Variants in ING5 observed in about 807,000 individuals in gnomAD.
The protein encoded by ING5 is inhibitor of growth family member 5.
In ING5, 17 loss-of-function variants were observed where a neutral mutation model predicts 37.4. The ratio of observed to expected loss-of-function variants is 0.45; its 90% confidence interval spans 0.31 to 0.68. The LOEUF (loss-of-function observed/expected upper bound fraction) is 0.68, where lower values mean the gene tolerates loss of function less well. Among genes scored for constraint, ING5 ranks in the 30% least tolerant of loss-of-function variants. The probability of loss-of-function intolerance (pLI) is 0.05; values close to 1 mark genes in which losing one functional copy is unlikely to be tolerated. For synonymous variants in ING5, 123 were observed against 116.6 expected, an observed-to-expected ratio of 1.06 and a Z score of -0.36; for missense variants, 233 against 311.9, an observed-to-expected ratio of 0.75 and a Z score of 1.91.
At chr2:241,699,041 G>C (rs368302439), upstream of ING5, among the ~76,000 whole-genome samples, 17 of 126,886 alleles carry the variant, frequency 1.3e-4, no homozygotes, top group South Asian at 2.5e-4. Context: ...TTTTTTTTGG[G>C]GGGGGAGGGG....
At chr2:241,699,619 T>TGATCA (rs1400417985), upstream of ING5, among the ~76,000 whole-genome samples, 1 of 152,068 alleles carries the variant, frequency 6.6e-6, no homozygotes, top group Non-Finnish European at 1.5e-5. Context: ...ACTGCTCCTT[T>TGATCA]GATCAGCTTA....
chr2:241,704,846 C>T (rs974289447), intron 2 of ING5, 122 bp downstream of exon 2: 1 of 773,718 alleles, frequency 1.3e-6, no homozygotes, highest in South Asian at 1.4e-5. Flanking sequence ...TGGCCTAGCC[C>T]TGGGCCGTGG....
At chr2:241,715,789 G>GC (rs2070250548) in intron 5 of ING5, among the ~76,000 whole-genome samples, 1 of 137,658 alleles carries the variant, frequency 7.3e-6, no homozygotes. Context: ...ACCTGACCTA[G>GC]AATTTTTTTT....
At position 241,714,839 on chromosome 2, in the gene ING5, G is replaced by A. The variant is rs1022642314; in HGVS notation, c.482+2768G>A. The stretch of plus-strand genomic sequence containing the variant: ...TCAAACATCTGGGCTCAAGCAGTCC[G>A]CCTGCCTCAACCTCTCCGTGTGTTG... On this transcript the variant is annotated intron_variant, in intron 5 of 7. Transcript: ENST00000313552. 6.9e-4 allele frequency among the ~76,000 whole-genome samples: 105 copies of A among 151,086 alleles called. 1 individual carries two copies. Among genetic ancestry groups the A allele is most frequent in the African/African-American group, 2.4e-3 (100 of 41,376 alleles).
At chr2:241,724,514 T>A in intron 7 of ING5, 1 of 174,970 alleles carries the variant, frequency 5.7e-6, no homozygotes. Context: ...CAGGAGCCCC[T>A]TGTGCGTGCA....
At chr2:241,710,789 T>G (rs1194206740) in intron 3 of ING5, among the ~76,000 whole-genome samples, 1 of 150,514 alleles carries the variant, frequency 6.6e-6, no homozygotes, top group Non-Finnish European at 1.5e-5. Context: ...TGGCCTGTAT[T>G]TTTAATAGAG....
intron 5 of ING5, among the ~76,000 whole-genome samples, chr2:241,716,417 G>A (rs749190463): frequency 1.3e-4 from 19 of 146,566 alleles, no homozygotes; most frequent in African/African-American, 2.7e-4. Context: ...CTCAGCCTCC[G>A]CAGTAGCTGG....
intron 3 of ING5, 45 bp from the exon 4 acceptor site, chr2:241,711,332 G>A (rs759187962): frequency 7.4e-7 from 1 of 1,348,566 alleles, no homozygotes; most frequent in South Asian, 1.6e-5. Flanking sequence ...ATTCTGAGGT[G>A]TTTTGGTTTT....
intron 7 of ING5, chr2:241,723,828 C>A: frequency 6.3e-7 from 1 of 1,583,252 alleles, no homozygotes; most frequent in East Asian, 2.2e-5. Context: ...TGGGCAACAT[C>A]GGGAGACCCC....
At position 241,721,248 on chromosome 2, in the gene ING5, G is replaced by C. The variant is rs570025695; in HGVS notation, c.483-1691G>C. 1.4e-5 allele frequency: 14 copies of C among 985,506 alleles called. No homozygotes were observed. In the South Asian group the frequency reaches 5.6e-4, roughly 40 times the overall value. 61.0% of individuals were successfully genotyped at this position (985,506 alleles called of 1,614,324 possible). A position where few individuals can be genotyped will look rare whatever the true frequency, so the allele number is the denominator to read the frequency against. On this transcript the variant is annotated intron_variant, in intron 5 of 7. Transcript: ENST00000313552. ...GCAGGAGGCTGAGACGTAGACCCTT[G>C]CGTGCTGCTGTCAGAGGAGAGACCC... is the stretch of plus-strand genomic sequence containing the variant.
chr2:241,693,512 C>G (rs966169720), intron 2 of ING5, among the ~76,000 whole-genome samples: 1 of 152,018 alleles, frequency 6.6e-6, no homozygotes, highest in Non-Finnish European at 1.5e-5. Flanking sequence ...TTGTTGCAAC[C>G]CAGCCTTGAC....
At position 241,724,961 on chromosome 2, in the gene ING5, G is replaced by A. The variant is rs765921524; in HGVS notation, c.681-28G>A. On this transcript the variant is annotated intron_variant, in intron 7 of 7. Coordinates refer to ENST00000313552, the MANE Select transcript of ING5 (RefSeq NM_032329.6). ...TGCGCGCTGGCGGAAATGGCGCCCA[G>A]GGCCTCACTGCGCCTTTCTTGTCAC... 18 of 1,613,436 alleles carry A rather than the reference G, an allele frequency of 1.1e-5. No individual in the cohort carries two copies. The African/African-American group carries it at 2.3e-4, about 20-fold the overall frequency.
At chr2:241,705,397 T>TC (rs756232468) in intron 2 of ING5, among the ~76,000 whole-genome samples, 8 of 136,212 alleles carry the variant, frequency 5.9e-5, no homozygotes, top group African/African-American at 1.9e-4. Context: ...TTTTTTTCTT[T>TC]TTTTTTTTTT....
chr2:241,709,434 C>T (rs369871731), intron 3 of ING5, 52 bp downstream of exon 3: 1 of 1,521,144 alleles, frequency 6.6e-7, no homozygotes, highest in Non-Finnish European at 8.9e-7. Context: ...ACTCCTGCCT[C>T]TCATGCAACA....
intron 1 of ING5, among the ~76,000 whole-genome samples, chr2:241,688,982 TA>T (rs1225580174): frequency 6.6e-6 from 1 of 152,068 alleles, no homozygotes; most frequent in African/African-American, 2.4e-5. Flanking sequence ...TTGTATTTTT[TA>T]GTAGAGACGG....
At chr2:241,720,937 G>T (rs2070417040) in intron 5 of ING5, 154 of 985,526 alleles carry the variant, frequency 1.6e-4, no homozygotes, top group Non-Finnish European at 1.8e-4. Context: ...CTTCTGGGGT[G>T]CCCTTGCTGG....
In ING5 at chr2:241,711,393, G is replaced by A. The variant is rs1406886177; in HGVS notation, c.293G>A (p.Arg98Gln). 7 of 1,534,022 alleles carry A rather than the reference G, an allele frequency of 4.6e-6. No homozygotes were observed. The highest frequency in any genetic ancestry group is 1.7e-6 in the Non-Finnish European group (2 of 1,144,166). The part of the protein sequence containing the change: ...QTYEMVDKHI[R>Q]RLDADLARFE... ...CTTTTGTAGGTGGATAAACACATTC[G>A]AAGGCTTGATGCAGACCTGGCGCGC... Residue 98 changes from arginine (R) to glutamine (Q), a missense_variant, in exon 4 of 8, where the codon CGA becomes CAA. By Grantham distance (43) the Arg-to-Gln change is conservative. Transcript: ENST00000313552.
intron 7 of ING5, chr2:241,724,468 A>G (rs1691527443): frequency 6.2e-6 from 1 of 162,446 alleles, no homozygotes; most frequent in Non-Finnish European, 1.3e-5. Context: ...TGGGGAACCT[A>G]TGGAATGTCC....
intron 5 of ING5, among the ~76,000 whole-genome samples, chr2:241,713,714 C>T (rs1429343276): frequency 6.7e-6 from 1 of 149,450 alleles, no homozygotes; most frequent in East Asian, 2.1e-4. Context: ...TTTGGCCGGG[C>T]GAGGTGGCTC....
Sources: gnomAD v4.1 joint callset for allele counts (sites outside exome capture counted in the v4.1 genomes callset) on GRCh38, gnomAD v4.1.1 for gene constraint, MANE v1.5 for transcripts, NCBI Gene and HGNC (gene_info 2026-07-23, HGNC 2026-07-21) for gene names.